The following TBCB variants were observed in gnomAD, a reference collection of about 807,000 sequenced individuals.
TBCB encodes the protein tubulin-folding cofactor B.
A neutral mutation model predicts 29.2 loss-of-function variants in TBCB; 18 were observed. The ratio of observed to expected loss-of-function variants is 0.62; its 90% confidence interval spans 0.43 to 0.91. The LOEUF (loss-of-function observed/expected upper bound fraction) is 0.91, where lower values mean the gene tolerates loss of function less well. Among genes scored for constraint, TBCB ranks in the 40% least tolerant of loss-of-function variants. The pLI is 0.00. For synonymous variants in TBCB, 172 were observed against 137.8 expected, an observed-to-expected ratio of 1.25 and a Z score of -1.74; for missense variants, 336 against 337.6, an observed-to-expected ratio of 1.00 and a Z score of 0.04.
intron 3 of TBCB, 68 bp downstream of exon 3, chr19:36,120,874 C>A: frequency 6.9e-7 from 1 of 1,455,498 alleles, no homozygotes; most frequent in Non-Finnish European, 9.5e-7. Context: ...TGAGGGCGGG[C>A]AGGTTAGACA....
chr19:36,123,726 T>C (rs569461772), intron 4 of TBCB, among the ~76,000 whole-genome samples: 1 of 152,080 alleles, frequency 6.6e-6, no homozygotes, highest in Non-Finnish European at 1.5e-5. Flanking sequence ...AATTCAAAAA[T>C]TAACTGGGCG....
intron 4 of TBCB, among the ~76,000 whole-genome samples, chr19:36,122,472 C>T (rs2145910109): frequency 6.6e-6 from 1 of 150,856 alleles, no homozygotes; most frequent in Non-Finnish European, 1.5e-5. Context: ...CAGTGGCTCA[C>T]ACCTGTAATC....
At position 36,123,790 on chromosome 19, in the gene TBCB, G is replaced by A. The variant is rs113893724; in HGVS notation, c.548-1661G>A. 8.7e-3 allele frequency among the ~76,000 whole-genome samples: 1,324 copies of A among 152,248 alleles called. 20 individuals carry two copies. Among genetic ancestry groups the A allele is most frequent in the African/African-American group, 0.03 (1,257 of 41,544 alleles). On this transcript the variant is annotated intron_variant, in intron 4 of 5. Coordinates refer to ENST00000221855, the MANE Select transcript of TBCB (RefSeq NM_001281.3). The stretch of plus-strand genomic sequence containing the variant: ...CCCGGAAGGCTGAGGCAGGAGAATC[G>A]CTTGAGCCTGGGAGGCGGAGGTTGC...
At chr19:36,122,249 C>T in intron 4 of TBCB, 1 of 192,114 alleles carries the variant, frequency 5.2e-6, no homozygotes, top group South Asian at 7.8e-5. Flanking sequence ...GGGGCATGGG[C>T]AGGGCGGCGT....
chr19:36,119,040 G>A (rs1002523438), intron 2 of TBCB, among the ~76,000 whole-genome samples: 2 of 152,154 alleles, frequency 1.3e-5, no homozygotes, highest in African/African-American at 4.8e-5. Context: ...TAAGGGGTGC[G>A]GGTGTTCATA....
In TBCB at chr19:36,125,627, G is replaced by A. The variant is rs769044915; in HGVS notation, c.621-41G>A. 1.1e-5 allele frequency: 17 copies of A among 1,605,828 alleles called. No individual in the cohort carries two copies. The African/African-American group carries it at 1.7e-4, about 16-fold the overall frequency. ...GCCAGCTTCTAGAGTGGAGCCATGTGAGGGTCCTCTGACCACACCCACCCC... is the reference window on the plus strand; with the variant it reads ...GCCAGCTTCTAGAGTGGAGCCATGTAAGGGTCCTCTGACCACACCCACCCC... On this transcript the variant is annotated intron_variant, in intron 5 of 5. Coordinates refer to ENST00000221855, the MANE Select transcript of TBCB (RefSeq NM_001281.3).
rs749914527 is a variant in TBCB, at chr19:36,125,774, G to A, written c.727G>A (p.Glu243Lys). ...CCCGGAGGAGGACTACGGGTTGGAC[G>A]AGATATGACACCTAAGGAATTCCCC... The part of the protein sequence containing the change: ...DFPEEDYGLD[E>K]I The change falls in exon 6 of 6, where the codon GAG (glutamate) becomes AAG (lysine). Residue 243 changes from glutamate to lysine, a missense_variant. By Grantham distance (56) the Glu-to-Lys change is moderately conservative. Transcript: ENST00000221855. 12 of 1,530,736 alleles carry A rather than the reference G, an allele frequency of 7.8e-6. No individual in the cohort carries two copies. Among genetic ancestry groups the A allele is most frequent in the Middle Eastern group, 1.8e-4 (1 of 5,678 alleles). 94.8% of individuals were successfully genotyped at this position (1,530,736 alleles called of 1,614,324 possible).
chr19:36,123,735 C>G (rs532355652), intron 4 of TBCB, among the ~76,000 whole-genome samples: 1 of 152,098 alleles, frequency 6.6e-6, no homozygotes, highest in Non-Finnish European at 1.5e-5. Context: ...ATTAACTGGG[C>G]GTGGTGGCGG....
intron 4 of TBCB, among the ~76,000 whole-genome samples, chr19:36,124,980 ATTC>A (rs1974113464): frequency 6.7e-6 from 1 of 149,208 alleles, no homozygotes; most frequent in Admixed American, 6.9e-5. Context: ...TTCCTTGTAT[ATTC>A]TTCTGCTCAG....
intron 2 of TBCB, chr19:36,120,496 C>T: frequency 1.8e-6 from 1 of 557,338 alleles, no homozygotes; most frequent in East Asian, 3.0e-5. Context: ...CAGAGGCAGC[C>T]TCTGGGAGCT....
In TBCB at chr19:36,120,788, GCCTACGA is replaced by G. The variant is rs773140399; in HGVS notation, c.340_346del (p.Tyr114ArgfsTer10). The G allele has an allele frequency of 1.9e-6, 3 of 1,614,026 alleles. No individual in the cohort carries two copies. The South Asian group carries it at 3.3e-5, about 18-fold the overall frequency. The stretch of plus-strand genomic sequence containing the variant: ...GGAGAAGTACACGATCTCACAAGAA[GCCTACGA>G]CCAGAGGCAAGGTACGGGCAGGTGG... On this transcript the variant is annotated frameshift_variant, in exon 3 of 6. Coordinates refer to ENST00000221855, the MANE Select transcript of TBCB (RefSeq NM_001281.3). LOFTEE classifies it high-confidence loss of function.
chr19:36,115,957 G>A, intron 1 of TBCB, 84 bp from the exon 2 acceptor site: 1 of 1,552,784 alleles, frequency 6.4e-7, no homozygotes, highest in South Asian at 1.2e-5. Context: ...GTCTTTTGGA[G>A]GAAAAGGGAC....
Position 36,125,652 on chromosome 19 carries a change from C to A in TBCB, c.621-16C>A. On this transcript the variant is annotated splice_polypyrimidine_tract_variant and intron_variant, in intron 5 of 5. Transcript: ENST00000221855. The stretch of plus-strand genomic sequence containing the variant: ...GAGGGTCCTCTGACCACACCCACCC[C>A]TATCCTTTCCTGCAGTGTGAATGGG... 6.3e-7 allele frequency: 1 copy of A among 1,592,220 alleles called. No individual in the cohort carries two copies. The highest frequency in any genetic ancestry group is 1.1e-5 in the South Asian group (1 of 88,292).
intron 4 of TBCB, among the ~76,000 whole-genome samples, chr19:36,124,345 C>T (rs1418602495): frequency 2.0e-5 from 3 of 151,988 alleles, no homozygotes; most frequent in Non-Finnish European, 2.9e-5. Context: ...CTCAGCCTCC[C>T]GAGTAGCTGG....
chr19:36,120,915 C>CG (rs771277915), intron 3 of TBCB, 109 bp downstream of exon 3: 31 of 950,768 alleles, frequency 3.3e-5, no homozygotes, highest in East Asian at 2.6e-4. Flanking sequence ...GTGGTGTAGA[C>CG]GGGGGGCCGA....
chr19:36,125,643 C>T lies in TBCB; in HGVS notation c.621-25C>T, dbSNP rs773207072. ...GAGCCATGTGAGGGTCCTCTGACCA[C>T]ACCCACCCCTATCCTTTCCTGCAGT... is the stretch of plus-strand genomic sequence containing the variant. On this transcript the variant is annotated intron_variant, in intron 5 of 5. Coordinates refer to ENST00000221855, the MANE Select transcript of TBCB (RefSeq NM_001281.3). The T allele has an allele frequency of 2.2e-5, 35 of 1,599,954 alleles. No individual in the cohort carries two copies. The Admixed American group carries it at 4.6e-4, about 21-fold the overall frequency.
chr19:36,125,844 G>A lies in TBCB; in HGVS notation c.*62G>A. 1.6e-6 allele frequency: 2 copies of A among 1,231,564 alleles called. No individual in the cohort carries two copies. Among genetic ancestry groups the A allele is most frequent in the Non-Finnish European group, 2.2e-6 (2 of 912,368 alleles). The allele number at this position is 1,231,564 out of a possible 1,614,324, so 76.3% of individuals were successfully genotyped here. A position where few individuals can be genotyped will look rare whatever the true frequency, so the allele number is the denominator to read the frequency against. The stretch of plus-strand genomic sequence containing the variant: ...GCCACTGACTGCCCCTCCTGTGTGT[G>A]CCCATGGCCCTTTTCTCCTGACCCC... On this transcript the variant is annotated 3_prime_UTR_variant, in exon 6 of 6. Transcript: ENST00000221855.
chr19:36,123,662 TC>T (rs1974094096), intron 4 of TBCB, among the ~76,000 whole-genome samples: 1 of 152,092 alleles, frequency 6.6e-6, no homozygotes, highest in Admixed American at 6.5e-5. Flanking sequence ...TCACCTGAGA[TC>T]AGGAATTTTG....
At chr19:36,115,225 C>T (rs930942491), upstream of TBCB, 47 of 537,244 alleles carry the variant, frequency 8.7e-5, no homozygotes, top group Non-Finnish European at 1.4e-4. Context: ...CGAGTTTACC[C>T]TTCGCGGACT....
Sources: allele counts gnomAD v4.1 joint callset (sites outside exome capture counted in the v4.1 genomes callset), GRCh38; gene constraint gnomAD v4.1.1; transcripts MANE v1.5; gene names NCBI Gene and HGNC (gene_info 2026-07-23, HGNC 2026-07-21).